Variants in REPS2 observed in about 807,000 individuals in gnomAD.
The protein encoded by REPS2 is RALBP1 associated Eps domain containing 2.
Under a neutral mutation model 53.6 loss-of-function variants are expected in REPS2, and 23 were observed. The observed-to-expected ratio is 0.43, with a 90% CI of 0.31 to 0.61. The LOEUF (loss-of-function observed/expected upper bound fraction) is 0.61. Ranked by LOEUF, REPS2 falls within the 20% of genes least tolerant of loss-of-function variation. The pLI is 0.11. For missense variants in REPS2, 446 were observed against 534.9 expected (o/e 0.83, Z 1.64); for synonymous variants, 238 against 218.6 (o/e 1.09, Z -0.78).
In REPS2 at chrX:17,041,619, G is replaced by A. The variant is rs192352088; in HGVS notation, c.772-5728G>A. On this transcript the variant is annotated intron_variant, in intron 5 of 17. Coordinates refer to ENST00000357277, the MANE Select transcript of REPS2 (RefSeq NM_004726.3). ...ATTTTTGGCGGAGGAGGCATCCTCA[G>A]ATATTCACTGTGGGCTTAGTATGAG... is the stretch of plus-strand genomic sequence containing the variant. Among the ~76,000 whole-genome samples the A allele has an allele frequency of 5.4e-3, 601 of 112,186 alleles. 2 individuals carry two copies. Among genetic ancestry groups the A allele is most frequent in the Non-Finnish European group, 8.7e-3 (464 of 53,207 alleles).
chrX:16,953,531 GAT>G (rs2060550215), intron 1 of REPS2, among the ~76,000 whole-genome samples: 1 of 111,231 alleles, frequency 9.0e-6, no homozygotes, highest in Admixed American at 9.6e-5. Context: ...TGTATATGTG[GAT>G]ATATATATTT....
At chrX:16,977,388 C>T (rs919058435) in intron 1 of REPS2, among the ~76,000 whole-genome samples, 1 of 110,648 alleles carries the variant, frequency 9.0e-6, no homozygotes, top group African/African-American at 3.3e-5. Flanking sequence ...CTTAGGCTAC[C>T]TTACTGTTAC....
chrX:17,129,087 C>A (rs761891117), intron 14 of REPS2, among the ~76,000 whole-genome samples: 3 of 111,498 alleles, frequency 2.7e-5, no homozygotes, highest in African/African-American at 6.5e-5. Flanking sequence ...CCAAAACTGT[C>A]GGACAAAGCC....
chrX:17,035,467 G>C (rs1413508994), intron 5 of REPS2, among the ~76,000 whole-genome samples: 1 of 110,267 alleles, frequency 9.1e-6, no homozygotes, highest in East Asian at 2.8e-4. Context: ...TACTGTCTTG[G>C]CTACTCTGGT....
At position 16,964,872 on chromosome X, in the gene REPS2, C is replaced by T. The variant is rs770657803; in HGVS notation, c.273+17738C>T. 3.2e-4 allele frequency among the ~76,000 whole-genome samples: 23 copies of T among 72,030 alleles called. 1 individual carries two copies. The highest frequency in any genetic ancestry group is 1.3e-3 in the African/African-American group (22 of 17,009). The allele number at this position is 72,030 out of a possible 115,157, so 62.5% of individuals were successfully genotyped here. Reference sequence around the variant, plus strand: ...CCCAGTAGGGGCAGCCGGGCAGAGGCGCCCCTCACTTCCCGGACGGGGCGG... The same window carrying T: ...CCCAGTAGGGGCAGCCGGGCAGAGGTGCCCCTCACTTCCCGGACGGGGCGG... On this transcript the variant is annotated intron_variant, in intron 1 of 17. Coordinates refer to ENST00000357277, the MANE Select transcript of REPS2 (RefSeq NM_004726.3).
the REPS2 span, among the ~76,000 whole-genome samples, chrX:17,189,917 G>A: frequency 2.8e-4 from 31 of 111,974 alleles, no homozygotes; most frequent in Non-Finnish European, 4.7e-4. Flanking sequence ...AAGCTATGGC[G>A]GACAGGTATT....
chrX:17,006,325 G>A lies in REPS2; in HGVS notation c.378G>A (p.Arg126=). 1 of 1,210,376 alleles carries A rather than the reference G, an allele frequency of 8.3e-7. No homozygotes were observed. Among genetic ancestry groups the A allele is most frequent in the South Asian group, 1.8e-5 (1 of 56,918 alleles). Residue 126 remains arginine (R), a synonymous_variant, in exon 2 of 18, where the codon CGG becomes CGA. Coordinates refer to ENST00000357277, the MANE Select transcript of REPS2 (RefSeq NM_004726.3). ...CAGCACAATCTGGCCTCCCGGTACGGATAGAGAGTATTAAATGTGGTGAGT... is the reference window on the plus strand; with the variant it reads ...CAGCACAATCTGGCCTCCCGGTACGAATAGAGAGTATTAAATGTGGTGAGT... ...IAAAQSGLPV[R]IESIKCELPL...
chrX:17,174,225 T>G, the REPS2 span, among the ~76,000 whole-genome samples: 1 of 111,632 alleles, frequency 9.0e-6, no homozygotes, highest in African/African-American at 3.3e-5. Context: ...AAATTATTCT[T>G]CCTGTCTGAG....
chrX:16,965,048 C>T (rs1480238673), intron 1 of REPS2, among the ~76,000 whole-genome samples: 1 of 91,958 alleles, frequency 1.1e-5, no homozygotes, highest in African/African-American at 4.2e-5. Flanking sequence ...GGGCTGACCC[C>T]CCCACCTCCC....
chrX:17,032,109 G>A (rs1219568326), intron 5 of REPS2, among the ~76,000 whole-genome samples: 1 of 111,838 alleles, frequency 8.9e-6, no homozygotes, highest in African/African-American at 3.3e-5. Context: ...TTCAGTGTTT[G>A]ATGTCAGGAA....
intron 1 of REPS2, among the ~76,000 whole-genome samples, chrX:17,001,428 T>C (rs2061306030): frequency 8.9e-6 from 1 of 112,420 alleles, no homozygotes; most frequent in Non-Finnish European, 1.9e-5. Flanking sequence ...TTGACTTTAA[T>C]GTAATCACAA....
intron 5 of REPS2, among the ~76,000 whole-genome samples, chrX:17,043,269 C>T (rs1451708751): frequency 2.7e-5 from 3 of 111,486 alleles, no homozygotes; most frequent in Non-Finnish European, 5.6e-5. Flanking sequence ...TCCCTTTGTC[C>T]TAAGGCCTTT....
intron 8 of REPS2, 86 bp from the exon 9 acceptor site, chrX:17,062,352 T>A: frequency 1.4e-6 from 1 of 691,169 alleles, no homozygotes; most frequent in Non-Finnish European, 2.2e-6. Context: ...GTTGTTATAT[T>A]TAACAAGCAC....
intron 2 of REPS2, among the ~76,000 whole-genome samples, 159 bp from the exon 3 acceptor site, chrX:17,021,964 C>T (rs1569131107): frequency 8.9e-6 from 1 of 111,939 alleles, no homozygotes; most frequent in South Asian, 3.7e-4. Flanking sequence ...AAAATCAGGA[C>T]GTTATTATAG....
intron 2 of REPS2, among the ~76,000 whole-genome samples, chrX:17,015,360 G>T (rs753107735): frequency 1.8e-5 from 2 of 111,733 alleles, no homozygotes; most frequent in East Asian, 5.6e-4. Flanking sequence ...ATCAAATTCT[G>T]TAAGACAAGG....
chrX:17,019,937 C>T (rs2061549917), intron 2 of REPS2, among the ~76,000 whole-genome samples: 1 of 112,349 alleles, frequency 8.9e-6, no homozygotes, highest in African/African-American at 3.2e-5. Context: ...GAAAGTTTTC[C>T]ATGATAAGAA....
At chrX:17,071,205 G>T (rs184033763) in intron 11 of REPS2, among the ~76,000 whole-genome samples, 4 of 112,260 alleles carry the variant, frequency 3.6e-5, no homozygotes, top group Non-Finnish European at 7.5e-5. Context: ...GTAGGCCAAC[G>T]CCTGGGGTCA....
In REPS2 at chrX:16,959,260, C is replaced by T. The variant is rs770943697; in HGVS notation, c.273+12126C>T. ...GACCACAGGCATGTACCACTATGCT[C>T]GGCTGATTTTTAATATTTTGTAGAG... On this transcript the variant is annotated intron_variant, in intron 1 of 17. Coordinates refer to ENST00000357277, the MANE Select transcript of REPS2 (RefSeq NM_004726.3). Among the ~76,000 whole-genome samples, 7 of 111,762 alleles carry T rather than the reference C, an allele frequency of 6.3e-5. No homozygotes were observed. The South Asian group carries it at 1.1e-3, about 18-fold the overall frequency.
At chrX:17,138,448 C>G (rs1485668957) in intron 16 of REPS2, 1 of 115,516 alleles carries the variant, frequency 8.7e-6, no homozygotes, top group African/African-American at 3.2e-5. Flanking sequence ...AAATAATGTT[C>G]TTGTATTATT....
Sources: allele counts gnomAD v4.1 joint callset (sites outside exome capture counted in the v4.1 genomes callset), GRCh38; gene constraint gnomAD v4.1.1; transcripts MANE v1.5; gene names NCBI Gene and HGNC (gene_info 2026-07-23, HGNC 2026-07-21).